KIAA1549L: variants seen among roughly 807,000 people sequenced by gnomAD.
KIAA1549L encodes KIAA1549 like.
In KIAA1549L, 88 loss-of-function variants were observed where a neutral mutation model predicts 160.7. The ratio of observed to expected loss-of-function variants is 0.55; its 90% CI spans 0.46 to 0.65. The LOEUF (loss-of-function observed/expected upper bound fraction) is 0.65. Ranked by LOEUF, KIAA1549L falls within the 30% of genes least tolerant of loss-of-function variation. The probability of loss-of-function intolerance (pLI) is 0.00; values close to 1 mark genes in which losing one functional copy is unlikely to be tolerated. For synonymous variants in KIAA1549L, 950 were observed against 976.7 expected (o/e 0.97, Z 0.51); for missense variants, 2,258 against 2,437.5 (o/e 0.93, Z 1.55).
At chr11:33,547,706 A>C in intron 3 of KIAA1549L, 58 bp from the exon 4 acceptor site, 1 of 1,087,248 alleles carries the variant, frequency 9.2e-7, no homozygotes, top group Non-Finnish European at 1.4e-6. Flanking sequence ...GCAGAGGGCA[A>C]GTGAATGATG....
At chr11:33,575,809 G>T (rs759982478) in intron 10 of KIAA1549L, among the ~76,000 whole-genome samples, 1 of 152,210 alleles carries the variant, frequency 6.6e-6, no homozygotes, top group Non-Finnish European at 1.5e-5. Context: ...CCATGGAAGA[G>T]TTAAGGGAAT....
At chr11:33,383,751 G>T (rs999595817) in intron 1 of KIAA1549L, among the ~76,000 whole-genome samples, 22 of 152,168 alleles carry the variant, frequency 1.4e-4, no homozygotes, top group Non-Finnish European at 1.2e-4. Flanking sequence ...GACAGCAAGT[G>T]CCTGCGTTGC....
intron 1 of KIAA1549L, among the ~76,000 whole-genome samples, chr11:33,447,819 T>G (rs1200932031): frequency 6.6e-6 from 1 of 152,146 alleles, no homozygotes; most frequent in African/African-American, 2.4e-5. Flanking sequence ...GCTTGGCACA[T>G]GTTAGGAGCT....
intron 12 of KIAA1549L, among the ~76,000 whole-genome samples, chr11:33,593,453 TTAAAA>T (rs1230441016): frequency 6.6e-6 from 1 of 152,062 alleles, no homozygotes; most frequent in East Asian, 1.9e-4. Flanking sequence ...TAAAATATAA[TTAAAA>T]TAAATACAAC....
At chr11:33,557,178 A>G (rs1370421351) in intron 6 of KIAA1549L, among the ~76,000 whole-genome samples, 1 of 152,056 alleles carries the variant, frequency 6.6e-6, no homozygotes, top group Non-Finnish European at 1.5e-5. Context: ...TTGTAGAGAC[A>G]GGATTTTGCC....
chr11:33,435,759 G>GAGAGAGATAT (rs1429879805), intron 1 of KIAA1549L, among the ~76,000 whole-genome samples: 1 of 14,994 alleles, frequency 6.7e-5, no homozygotes. Flanking sequence ...GAACCAATAA[G>GAGAGAGATAT]ATATATATAT....
chr11:33,477,507 G>GCGCACACACA lies in KIAA1549L; in HGVS notation c.239-64294_239-64293insGCACACACAC, dbSNP rs1554981523. Among the ~76,000 whole-genome samples the GCGCACACACA allele has an allele frequency of 7.3e-3, 957 of 131,808 alleles. 14 individuals carry two copies. Among genetic ancestry groups the GCGCACACACA allele is most frequent in the African/African-American group, 0.033 (913 of 27,644 alleles). The allele number at this position is 131,808 out of a possible 152,430, so 86.5% of individuals were successfully genotyped here. On this transcript the variant is annotated intron_variant, in intron 1 of 20. Coordinates refer to ENST00000658780, the MANE Select transcript of KIAA1549L (RefSeq NM_012194.3). ...GTGGTGGAGTGCCACGCAGGTGCAC[G>GCGCACACACA]CACACACACACAAACACACACACAC...
intron 1 of KIAA1549L, among the ~76,000 whole-genome samples, chr11:33,440,759 G>A (rs2132945207): frequency 1.3e-5 from 2 of 152,082 alleles, no homozygotes; most frequent in East Asian, 3.9e-4. Context: ...CTTCTTTTCT[G>A]AGCATATCCC....
chr11:33,435,816 G>GTATATATATATATATA (rs1554976825), intron 1 of KIAA1549L, among the ~76,000 whole-genome samples: 515 of 39,224 alleles, frequency 0.013, 50 homozygotes, highest in South Asian at 0.02. Context: ...ATATATGTGT[G>GTATATATATATATATA]TGTATATATA....
intron 1 of KIAA1549L, among the ~76,000 whole-genome samples, chr11:33,520,523 G>A (rs770270452): frequency 6.6e-6 from 1 of 151,950 alleles, no homozygotes; most frequent in Non-Finnish European, 1.5e-5. Flanking sequence ...GCTCAGTTTA[G>A]ATTTACTAAC....
At chr11:33,484,157 C>T (rs916588936) in intron 1 of KIAA1549L, among the ~76,000 whole-genome samples, 1 of 152,098 alleles carries the variant, frequency 6.6e-6, no homozygotes, top group African/African-American at 2.4e-5. Context: ...CTTTAAACTT[C>T]GGGGACAGCT....
In KIAA1549L at chr11:33,572,040, T is replaced by TTG. The variant is rs1491358369; in HGVS notation, c.4231-2661_4231-2660insGT. On this transcript the variant is annotated intron_variant, in intron 9 of 20. Transcript: ENST00000658780. ...ATAGTCCCAACATTTTATTATGAAC[T>TTG]TTTTTTTTTTTTTTGAGATAAAGTC... Among the ~76,000 whole-genome samples the TTG allele has an allele frequency of 2.5e-4, 28 of 113,370 alleles. No individual in the cohort carries two copies. The Middle Eastern group carries it at 0.016, about 64-fold the overall frequency. 74.4% of individuals were successfully genotyped at this position (113,370 alleles called of 152,430 possible). A position where few individuals can be genotyped will look rare whatever the true frequency, so the allele number is the denominator to read the frequency against.
rs1360031107 is a variant in KIAA1549L at position 33,669,700 on chromosome 11, A to T, written c.*1546A>T. ...TGAGAGAAGACTAGAAATGGAACTG[A>T]TTAGAAGGGGAGGTTCAAACTGTCA... On this transcript the variant is annotated 3_prime_UTR_variant, in exon 21 of 21. Coordinates refer to ENST00000658780, the MANE Select transcript of KIAA1549L (RefSeq NM_012194.3). 1 of 152,232 alleles carries T rather than the reference A, an allele frequency of 6.6e-6. No homozygotes were observed. The highest frequency in any genetic ancestry group is 2.4e-5 in the African/African-American group (1 of 41,466). 9.4% of individuals were successfully genotyped at this position (152,232 alleles called of 1,614,324 possible).
At chr11:33,609,469 G>A (rs940023468) in intron 14 of KIAA1549L, among the ~76,000 whole-genome samples, 2 of 152,236 alleles carry the variant, frequency 1.3e-5, no homozygotes, top group Non-Finnish European at 2.9e-5. Context: ...CTAAGAGCAC[G>A]GAGTCAGGCC....
In KIAA1549L at chr11:33,543,892, C is replaced by T. The variant is rs762056597; in HGVS notation, c.2329C>T (p.Leu777=). ...VTAEGFSIQD[L]VLGTSIEQPV... ...TGCAGAAGGGTTTAGTATTCAGGAT[C>T]TAGTCCTCGGTACAAGCATTGAGCA... The change falls in exon 2 of 21, where the codon CTA becomes TTA. Residue 777 remains leucine, a synonymous_variant. Coordinates refer to ENST00000658780, the MANE Select transcript of KIAA1549L (RefSeq NM_012194.3). 5 of 1,614,036 alleles carry T rather than the reference C, an allele frequency of 3.1e-6. No individual in the cohort carries two copies. The Admixed American group carries it at 5.0e-5, about 16-fold the overall frequency.
At chr11:33,505,727 A>G (rs932813408) in intron 1 of KIAA1549L, among the ~76,000 whole-genome samples, 3 of 152,204 alleles carry the variant, frequency 2.0e-5, no homozygotes, top group Admixed American at 6.5e-5. Flanking sequence ...TGTAACAATT[A>G]GTAAAAAGGA....
At chr11:33,625,430 G>A (rs1851078100) in intron 16 of KIAA1549L, among the ~76,000 whole-genome samples, 1 of 152,144 alleles carries the variant, frequency 6.6e-6, no homozygotes. Flanking sequence ...GTTGTTTCCT[G>A]ACTTTTTAAT....
At chr11:33,586,843 T>A (rs1418989665) in intron 11 of KIAA1549L, among the ~76,000 whole-genome samples, 1 of 152,194 alleles carries the variant, frequency 6.6e-6, no homozygotes, top group African/African-American at 2.4e-5. Flanking sequence ...CTCATGATAA[T>A]ACCTACCTTC....
intron 1 of KIAA1549L, among the ~76,000 whole-genome samples, chr11:33,435,778 A>ATGTG (rs1293537942): frequency 0.045 from 801 of 17,612 alleles, 117 homozygotes; most frequent in African/African-American, 0.25. Flanking sequence ...ATATATATAT[A>ATGTG]TATATATATA....
Sources: gnomAD v4.1 joint callset for allele counts (sites outside exome capture counted in the v4.1 genomes callset) on GRCh38, gnomAD v4.1.1 for gene constraint, MANE v1.5 for transcripts, NCBI Gene and HGNC (gene_info 2026-07-23, HGNC 2026-07-21) for gene names.